The following B4GALT6 variants were observed in gnomAD, a reference collection of about 807,000 sequenced individuals.
The protein encoded by B4GALT6 is beta-1,4-galactosyltransferase 6, also known as UDP-Gal:beta-GlcNAc beta-1,4-galactosyltransferase 6.
B4GALT6 carries 14 observed loss-of-function variants against 46.3 expected under a neutral mutation model. The observed-to-expected ratio is 0.30, with a 90% CI of 0.20 to 0.47. B4GALT6 has a LOEUF of 0.47. B4GALT6 is among the 20% of genes least tolerant of loss of function. The probability of loss-of-function intolerance (pLI) is 0.99; values close to 1 mark genes in which losing one functional copy is unlikely to be tolerated. For synonymous variants in B4GALT6, 168 were observed against 162.0 expected, an observed-to-expected ratio of 1.04 and a Z score of -0.28; for missense variants, 386 against 480.1, an observed-to-expected ratio of 0.80 and a Z score of 1.83.
chr18:31,638,688 G>A lies in B4GALT6; in HGVS notation c.544C>T (p.Leu182Phe). 1 of 1,614,064 alleles carries A rather than the reference G, an allele frequency of 6.2e-7. No individual in the cohort carries two copies. The highest frequency in any genetic ancestry group is 8.5e-7 in the Non-Finnish European group (1 of 1,180,012). ...GCAAATTCCAGCCGCTGCTTCTGGA[G>A]CATTGGAATCAGATGTAAGAAAAAA... The part of the protein sequence containing the change: ...PIFFLHLIPM[L>F]QKQRLEFAFY... The change falls in exon 5 of 9, where the codon CTC becomes TTC. Residue 182 changes from leucine (L) to phenylalanine (F), a missense_variant. Leu to Phe is a conservative substitution (Grantham distance 22, BLOSUM62 0). This residue lies in a region of B4GALT6 where 323 missense variants were observed against 438.9 expected (regional missense o/e 0.74). Transcript: ENST00000306851.
chr18:31,640,843 C>T (rs1057427475), intron 4 of B4GALT6, among the ~76,000 whole-genome samples: 6 of 152,158 alleles, frequency 3.9e-5, no homozygotes, highest in African/African-American at 7.2e-5. Context: ...AAGGAATTCC[C>T]GAATCAAAAC....
chr18:31,653,725 C>T (rs1190831747), intron 3 of B4GALT6, among the ~76,000 whole-genome samples: 1 of 152,082 alleles, frequency 6.6e-6, no homozygotes, highest in African/African-American at 2.4e-5. Context: ...AGGAAACAGG[C>T]ATGAGCCACC....
At chr18:31,701,248 A>T in the B4GALT6 span, among the ~76,000 whole-genome samples, 1 of 152,080 alleles carries the variant, frequency 6.6e-6, no homozygotes, top group African/African-American at 2.4e-5. Context: ...GTAAATTATC[A>T]CAAGATCTGG....
intron 1 of B4GALT6, among the ~76,000 whole-genome samples, chr18:31,667,799 A>G (rs554478884): frequency 6.6e-6 from 1 of 152,330 alleles, no homozygotes; most frequent in South Asian, 2.1e-4. Context: ...CATTTTGACT[A>G]CATTTTTGTA....
At chr18:31,686,763 C>A (rs1200913458), upstream of B4GALT6, 1 of 152,162 alleles carries the variant, frequency 6.6e-6, no homozygotes, top group Non-Finnish European at 1.5e-5. Context: ...GTCATGAATG[C>A]TGAGGAAGCA....
chr18:31,633,818 G>A (rs964882881), intron 5 of B4GALT6, among the ~76,000 whole-genome samples: 1 of 152,142 alleles, frequency 6.6e-6, no homozygotes, highest in Non-Finnish European at 1.5e-5. Context: ...GCAGAAAAGA[G>A]CACCACTACC....
chr18:31,659,605 T>C (rs2074187042), intron 2 of B4GALT6, among the ~76,000 whole-genome samples: 1 of 152,092 alleles, frequency 6.6e-6, no homozygotes, highest in African/African-American at 2.4e-5. Flanking sequence ...ATCAGTAAGG[T>C]GTTAAGGTAA....
chr18:31,678,486 T>C (rs1212914398), intron 1 of B4GALT6, among the ~76,000 whole-genome samples: 1 of 152,194 alleles, frequency 6.6e-6, no homozygotes, highest in Non-Finnish European at 1.5e-5. Context: ...AATCTTCCAT[T>C]GTCCAGGGCA....
rs1567956210 is a variant in B4GALT6, at chr18:31,627,126, AAAAG to A, written c.777-9_777-6del. On this transcript the variant is annotated splice_polypyrimidine_tract_variant and splice_region_variant and intron_variant, in intron 6 of 8. Transcript: ENST00000306851. ...AAAAATTCTTTATATGGAAGACTAG[AAAAG>A]AAAGACACAGTATTCTAAAAATAAA... 2 of 1,590,978 alleles carry A rather than the reference AAAAG, an allele frequency of 1.3e-6. No individual in the cohort carries two copies. Among genetic ancestry groups the A allele is most frequent in the Admixed American group, 1.8e-5 (1 of 54,180 alleles).
rs746021486 is a variant in B4GALT6, at chr18:31,630,944, G to C, written c.776+15C>G. Reference sequence around the variant, plus strand: ...ATTATATCGTACAATATCAGGAATAGTGCACACTACTTACATATACATGTA... The same window carrying C: ...ATTATATCGTACAATATCAGGAATACTGCACACTACTTACATATACATGTA... On this transcript the variant is annotated intron_variant, in intron 6 of 8. Coordinates refer to ENST00000306851, the MANE Select transcript of B4GALT6 (RefSeq NM_004775.5). 2 of 1,612,542 alleles carry C rather than the reference G, an allele frequency of 1.2e-6. No homozygotes were observed. The highest frequency in any genetic ancestry group is 1.7e-5 in the Admixed American group (1 of 60,010).
chr18:31,671,087 T>C (rs1409319808), intron 1 of B4GALT6, among the ~76,000 whole-genome samples: 1 of 152,214 alleles, frequency 6.6e-6, no homozygotes, highest in East Asian at 1.9e-4. Flanking sequence ...CTCATCCTTT[T>C]TTATGGCTGC....
At chr18:31,677,864 T>C (rs772513015) in intron 1 of B4GALT6, among the ~76,000 whole-genome samples, 2 of 151,846 alleles carry the variant, frequency 1.3e-5, no homozygotes, top group Non-Finnish European at 2.9e-5. Context: ...GCCAAGAAAA[T>C]GGACTAGAAA....
At chr18:31,638,483 C>A (rs529891093) in intron 5 of B4GALT6, among the ~76,000 whole-genome samples, 161 bp downstream of exon 5, 10 of 152,034 alleles carry the variant, frequency 6.6e-5, no homozygotes, top group African/African-American at 2.4e-4. Flanking sequence ...GCCGAGATCG[C>A]GCCACTGCAT....
Position 31,642,810 on chromosome 18 carries a change from G to A in B4GALT6, c.471+2545C>T, listed in dbSNP as rs569723402. 2.6e-3 allele frequency among the ~76,000 whole-genome samples: 400 copies of A among 152,238 alleles called. 1 individual carries two copies. Among genetic ancestry groups the A allele is most frequent in the African/African-American group, 9.3e-3 (385 of 41,548 alleles). On this transcript the variant is annotated intron_variant, in intron 4 of 8. Coordinates refer to ENST00000306851, the MANE Select transcript of B4GALT6 (RefSeq NM_004775.5). ...AGCAATTCTCCTGCCTCAGCCTCCC[G>A]AGTAGCTGGGATTACAAGCCTGCAC... is the stretch of plus-strand genomic sequence containing the variant.
At chr18:31,675,550 T>A (rs1487679575) in intron 1 of B4GALT6, among the ~76,000 whole-genome samples, 1 of 152,242 alleles carries the variant, frequency 6.6e-6, no homozygotes, top group East Asian at 1.9e-4. Flanking sequence ...AGCCTTGTCA[T>A]CTGCTAATGC....
chr18:31,682,196 C>T (rs1029194891), intron 1 of B4GALT6, among the ~76,000 whole-genome samples: 4 of 152,186 alleles, frequency 2.6e-5, no homozygotes, highest in Admixed American at 2.6e-4. Flanking sequence ...TCAAGAAAAA[C>T]TGACAGTATT....
At chr18:31,681,022 T>C (rs540132228) in intron 1 of B4GALT6, among the ~76,000 whole-genome samples, 31 of 152,290 alleles carry the variant, frequency 2.0e-4, no homozygotes, top group Admixed American at 5.2e-4. Context: ...TCCCACCACA[T>C]GCCTTCCAAG....
chr18:31,625,689 T>G lies in B4GALT6; in HGVS notation c.1074A>C (p.Lys358Asn). The G allele has an allele frequency of 1.2e-6, 2 of 1,613,844 alleles. No homozygotes were observed. Among genetic ancestry groups the G allele is most frequent in the Non-Finnish European group, 1.7e-6 (2 of 1,179,866 alleles). ...DGLNNLIYRP[K>N]ILVDRLYTNI... The stretch of plus-strand genomic sequence containing the variant: ...TTGTATACAACCTATCAACCAGTAT[T>G]TTTGGCCTATATATTAAATTGTTCA... The change falls in exon 9 of 9, where the codon AAA (lysine) becomes AAC (asparagine). Residue 358 changes from lysine (K) to asparagine (N), a missense_variant. Physicochemically the swap from Lys to Asn is moderately conservative, Grantham distance 94. Coordinates refer to ENST00000306851, the MANE Select transcript of B4GALT6 (RefSeq NM_004775.5).
At chr18:31,685,340 G>A (rs1307262199), upstream of B4GALT6, among the ~76,000 whole-genome samples, 4 of 151,628 alleles carry the variant, frequency 2.6e-5, no homozygotes, top group Admixed American at 6.6e-5. Context: ...CAGAGGCCGA[G>A]CGCCGTCGGA....
Sources: gnomAD v4.1 joint callset for allele counts (sites outside exome capture counted in the v4.1 genomes callset) on GRCh38, gnomAD v4.1.1 for gene constraint, gnomAD v4.1.1 regional missense constraint, MANE v1.5 for transcripts, NCBI Gene and HGNC (gene_info 2026-07-23, HGNC 2026-07-21) for gene names.